Variants in TDRP observed in about 807,000 individuals in gnomAD.
TDRP encodes testis development-related protein.
TDRP carries 12 observed loss-of-function variants against 10.5 expected under a neutral mutation model. That is an observed-to-expected ratio of 1.15 (90% CI 0.73 to 1.86). TDRP has a LOEUF of 1.86. Among genes scored for constraint, TDRP ranks in the 40% most tolerant of loss-of-function variants. TDRP has a pLI of 0.00. For synonymous variants in TDRP, 139 were observed against 95.4 expected, an observed-to-expected ratio of 1.46 and a Z score of -2.67; for missense variants, 353 against 229.2, an observed-to-expected ratio of 1.54 and a Z score of -3.49.
chr8:522,445 T>G (rs1290780423), intron 1 of TDRP, among the ~76,000 whole-genome samples: 1 of 152,364 alleles, frequency 6.6e-6, no homozygotes, highest in Non-Finnish European at 1.5e-5. Flanking sequence ...CCCTTTGCCA[T>G]GCATTGTGAA....
chr8:507,294 G>C (rs567807456), intron 1 of TDRP, among the ~76,000 whole-genome samples: 2 of 152,264 alleles, frequency 1.3e-5, no homozygotes, highest in South Asian at 4.2e-4. Flanking sequence ...ATATCAGAAG[G>C]AGATTTGAGA....
intron 1 of TDRP, among the ~76,000 whole-genome samples, chr8:515,380 G>C (rs1021656359): frequency 1.3e-5 from 2 of 152,188 alleles, no homozygotes; most frequent in Admixed American, 6.5e-5. Flanking sequence ...AGTACAGTTT[G>C]AGTGCCCCTT....
intron 1 of TDRP, among the ~76,000 whole-genome samples, chr8:504,418 G>A (rs998988292): frequency 3.9e-5 from 6 of 152,092 alleles, no homozygotes; most frequent in Non-Finnish European, 7.4e-5. Flanking sequence ...AAGTCAGTGG[G>A]GGGAGGCAGG....
chr8:537,917 A>G (rs778290339), intron 1 of TDRP, among the ~76,000 whole-genome samples: 1 of 152,220 alleles, frequency 6.6e-6, no homozygotes, highest in Non-Finnish European at 1.5e-5. Context: ...ATCTGTGCCT[A>G]TGATGTGTCC....
At chr8:537,597 GGACTAC>G (rs1185451901) in intron 1 of TDRP, among the ~76,000 whole-genome samples, 1 of 152,112 alleles carries the variant, frequency 6.6e-6, no homozygotes, top group East Asian at 1.9e-4. Flanking sequence ...CTGGCCATGG[GGACTAC>G]GAGGTTTTTA....
intron 1 of TDRP, among the ~76,000 whole-genome samples, chr8:495,246 ACAG>A (rs1042551519): frequency 2.6e-5 from 4 of 152,050 alleles, no homozygotes; most frequent in African/African-American, 7.2e-5. Flanking sequence ...AAAACAAACA[ACAG>A]CAACAACAAC....
intron 1 of TDRP, among the ~76,000 whole-genome samples, chr8:534,312 T>C (rs1802287250): frequency 6.6e-6 from 1 of 152,212 alleles, no homozygotes; most frequent in Non-Finnish European, 1.5e-5. Context: ...AATACTAAAT[T>C]ATTGCTGTTA....
chr8:510,081 G>T (rs13261444), intron 1 of TDRP, among the ~76,000 whole-genome samples: 353 of 152,298 alleles, frequency 2.3e-3, no homozygotes, highest in Non-Finnish European at 3.6e-3. Context: ...GGGAATCAGG[G>T]TGTGTCATTC....
chr8:494,852 A>G, intron 1 of TDRP: 1 of 320,530 alleles, frequency 3.1e-6, no homozygotes, highest in South Asian at 6.0e-5. Context: ...TAGACAAGTC[A>G]ATATTTTGCC....
At chr8:545,778 G>A (rs964360586), upstream of TDRP, 1 of 151,778 alleles carries the variant, frequency 6.6e-6, no homozygotes, top group Non-Finnish European at 1.5e-5. Context: ...GCTCGGCCCG[G>A]ACTGACGGCG....
chr8:537,684 G>A (rs368064761), intron 1 of TDRP, among the ~76,000 whole-genome samples: 3 of 152,026 alleles, frequency 2.0e-5, no homozygotes, highest in Non-Finnish European at 2.9e-5. Context: ...CTTTAAAGTC[G>A]AATGCTAAAT....
chr8:510,459 G>A lies in TDRP; in HGVS notation c.109-15862C>T, dbSNP rs919144709. On this transcript the variant is annotated intron_variant, in intron 1 of 2. Coordinates refer to ENST00000324079, the MANE Select transcript of TDRP (RefSeq NM_001384899.1). ...ATCTTTATTATACCAACCAAAGACAGGGAGATAATCTTGAAAGCTACAAGA... is the reference window on the plus strand; with the variant it reads ...ATCTTTATTATACCAACCAAAGACAAGGAGATAATCTTGAAAGCTACAAGA... Among the ~76,000 whole-genome samples, 20 of 152,298 alleles carry A rather than the reference G, an allele frequency of 1.3e-4. 1 individual carries two copies. Among genetic ancestry groups the A allele is most frequent in the Admixed American group, 7.8e-4 (12 of 15,304 alleles).
chr8:491,853 T>A lies in TDRP; in HGVS notation c.*546A>T. ...TTAAGATACATTTTACTCCCAAATA[T>A]AAGCTTTGCTTTTCCAGTATTTGTT... On this transcript the variant is annotated 3_prime_UTR_variant, in exon 3 of 3. Coordinates refer to ENST00000324079, the MANE Select transcript of TDRP (RefSeq NM_001384899.1). 8.2e-7 allele frequency: 1 copy of A among 1,221,254 alleles called. No homozygotes were observed. The highest frequency in any genetic ancestry group is 1.0e-6 in the Non-Finnish European group (1 of 980,728). The allele number at this position is 1,221,254 out of a possible 1,614,324, so 75.7% of individuals were successfully genotyped here. A position where few individuals can be genotyped will look rare whatever the true frequency, so the allele number is the denominator to read the frequency against.
chr8:504,343 G>A (rs1382734186), intron 1 of TDRP, among the ~76,000 whole-genome samples: 2 of 152,170 alleles, frequency 1.3e-5, no homozygotes, highest in Non-Finnish European at 2.9e-5. Context: ...TTTGGGTAGT[G>A]TTTTCTTTTT....
At chr8:523,082 A>G (rs899064425) in intron 1 of TDRP, among the ~76,000 whole-genome samples, 8 of 152,132 alleles carry the variant, frequency 5.3e-5, no homozygotes, top group African/African-American at 1.9e-4. Flanking sequence ...TAAGTCTTGT[A>G]GTAATTTTGA....
chr8:511,637 T>C (rs543897081), intron 1 of TDRP, among the ~76,000 whole-genome samples: 6 of 152,182 alleles, frequency 3.9e-5, no homozygotes, highest in Non-Finnish European at 1.5e-5. Flanking sequence ...AACAATAGAA[T>C]GTACATTCTT....
intron 1 of TDRP, among the ~76,000 whole-genome samples, chr8:495,561 G>T (rs189016001): frequency 6.6e-6 from 1 of 152,152 alleles, no homozygotes; most frequent in Non-Finnish European, 1.5e-5. Flanking sequence ...CTGAAAATCC[G>T]GCGTGTGTCG....
At chr8:499,823 G>A (rs914920134) in intron 1 of TDRP, among the ~76,000 whole-genome samples, 2 of 152,258 alleles carry the variant, frequency 1.3e-5, no homozygotes, top group South Asian at 4.1e-4. Context: ...GGCCCTTGAG[G>A]TGGAGTTCCT....
chr8:500,361 C>G (rs189398226), intron 1 of TDRP, among the ~76,000 whole-genome samples: 2 of 152,304 alleles, frequency 1.3e-5, no homozygotes, highest in Non-Finnish European at 2.9e-5. Context: ...ATTGAATACA[C>G]AGGGAGCAAT....
Sources: allele counts gnomAD v4.1 joint callset (sites outside exome capture counted in the v4.1 genomes callset), GRCh38; gene constraint gnomAD v4.1.1; transcripts MANE v1.5; gene names NCBI Gene and HGNC (gene_info 2026-07-23, HGNC 2026-07-21).